Variants in SLC25A48 observed in about 807,000 individuals in gnomAD.
The protein encoded by SLC25A48 is CTC-321K16.1.
Under a neutral mutation model 32.2 loss-of-function variants are expected in SLC25A48, and 29 were observed. That is an observed-to-expected ratio of 0.90 (90% CI 0.67 to 1.23). The LOEUF (loss-of-function observed/expected upper bound fraction) is 1.23, where lower values mean the gene tolerates loss of function less well. SLC25A48 is among the 50% of genes most tolerant of loss of function. The pLI is 0.00. For synonymous variants in SLC25A48, 164 were observed against 172.3 expected, an observed-to-expected ratio of 0.95 and a Z score of 0.38; for missense variants, 399 against 422.7, an observed-to-expected ratio of 0.94 and a Z score of 0.49.
chr5:135,620,691 C>A (rs1252191917), intron 1 of SLC25A48, among the ~76,000 whole-genome samples: 2 of 152,110 alleles, frequency 1.3e-5, no homozygotes, highest in Non-Finnish European at 2.9e-5. Context: ...CAGGACAGGA[C>A]ACAGTCTAGT....
At chr5:135,646,669 A>G (rs1276561482) in intron 3 of SLC25A48, among the ~76,000 whole-genome samples, 2 of 146,134 alleles carry the variant, frequency 1.4e-5, no homozygotes, top group Admixed American at 1.4e-4. Context: ...TTATATATAT[A>G]TATATATATA....
intron 3 of SLC25A48, among the ~76,000 whole-genome samples, chr5:135,777,046 G>T (rs1756582478): frequency 6.6e-6 from 1 of 150,676 alleles, no homozygotes; most frequent in Non-Finnish European, 1.5e-5. Flanking sequence ...GGGGAAGAGA[G>T]GATTATATTA....
At chr5:135,608,122 C>T (rs1157690379) in intron 1 of SLC25A48, among the ~76,000 whole-genome samples, 1 of 152,172 alleles carries the variant, frequency 6.6e-6, no homozygotes, top group African/African-American at 2.4e-5. Context: ...GCTGTTAGGA[C>T]CAGCACACTT....
At chr5:135,580,122 AATTTCTTT>A (rs1192943648) in intron 1 of SLC25A48, among the ~76,000 whole-genome samples, 2 of 152,124 alleles carry the variant, frequency 1.3e-5, no homozygotes, top group Non-Finnish European at 2.9e-5. Context: ...TGGTACTTTT[AATTTCTTT>A]ATTTGACAGG....
At chr5:135,617,559 C>T (rs574772143) in intron 1 of SLC25A48, among the ~76,000 whole-genome samples, 1 of 151,882 alleles carries the variant, frequency 6.6e-6, no homozygotes, top group East Asian at 1.9e-4. Flanking sequence ...TATTTGAAAT[C>T]TTTCTACTTT....
chr5:135,658,804 T>C (rs1369472580), intron 3 of SLC25A48, among the ~76,000 whole-genome samples: 1 of 152,238 alleles, frequency 6.6e-6, no homozygotes, highest in Non-Finnish European at 1.5e-5. Flanking sequence ...GGCTTGGGGC[T>C]TACACCCTCT....
At chr5:135,648,154 G>A (rs552711303) in intron 3 of SLC25A48, among the ~76,000 whole-genome samples, 4 of 152,268 alleles carry the variant, frequency 2.6e-5, no homozygotes, top group South Asian at 4.2e-4. Flanking sequence ...CCTCAGCACT[G>A]GCTAGAGAGG....
chr5:135,871,408 C>G (rs769100768), intron 4 of SLC25A48, 53 bp from the exon 5 acceptor site: 55 of 1,538,972 alleles, frequency 3.6e-5, no homozygotes, highest in Non-Finnish European at 4.6e-5. Flanking sequence ...CACGGAATGT[C>G]CAGTCTCTTA....
chr5:135,717,822 T>A (rs956455221), intron 3 of SLC25A48, among the ~76,000 whole-genome samples: 1 of 152,162 alleles, frequency 6.6e-6, no homozygotes, highest in Non-Finnish European at 1.5e-5. Context: ...GAGAATACAG[T>A]TCTGTTCTTT....
Position 135,783,971 on chromosome 5 carries a change from GGAT to G in SLC25A48, c.-520-28548_-520-28546del, listed in dbSNP as rs1756779315. 1.7e-5 allele frequency among the ~76,000 whole-genome samples: 2 copies of G among 118,056 alleles called. 1 individual carries two copies. Among genetic ancestry groups the G allele is most frequent in the Admixed American group, 1.7e-4 (2 of 11,554 alleles). The allele number at this position is 118,056 out of a possible 152,430, so 77.4% of individuals were successfully genotyped here. A position where few individuals can be genotyped will look rare whatever the true frequency, so the allele number is the denominator to read the frequency against. ...TGTTGCTAATAATCAGGGGGGAAAA[GGAT>G]GATATTGCTCCCAATATCGCAGGAC... is the stretch of plus-strand genomic sequence containing the variant. On this transcript the variant is annotated intron_variant, in intron 3 of 10. Coordinates refer to the SLC25A48 transcript ENST00000646290.
chr5:135,601,516 C>G (rs1751795458), intron 1 of SLC25A48, among the ~76,000 whole-genome samples: 1 of 152,200 alleles, frequency 6.6e-6, no homozygotes, highest in Admixed American at 6.5e-5. Context: ...TTGTCTACAA[C>G]TCCTAGGAGA....
chr5:135,840,389 T>A (rs1758892195), intron 1 of SLC25A48, among the ~76,000 whole-genome samples: 1 of 152,244 alleles, frequency 6.6e-6, no homozygotes, highest in African/African-American at 2.4e-5. Context: ...AGGTTTTTTC[T>A]TTACACATAC....
chr5:135,848,021 T>A (rs1759554909), intron 2 of SLC25A48, among the ~76,000 whole-genome samples: 1 of 152,326 alleles, frequency 6.6e-6, no homozygotes, highest in East Asian at 1.9e-4. Flanking sequence ...TGATGGTCAG[T>A]ATGCAGTTGG....
At chr5:135,803,843 C>G (rs543564409) in intron 3 of SLC25A48, among the ~76,000 whole-genome samples, 4 of 151,376 alleles carry the variant, frequency 2.6e-5, no homozygotes, top group African/African-American at 7.3e-5. Flanking sequence ...CTTGTGTATA[C>G]CTTGTACACT....
chr5:135,659,110 A>G (rs555738612), intron 3 of SLC25A48, among the ~76,000 whole-genome samples: 1 of 152,306 alleles, frequency 6.6e-6, no homozygotes, highest in Non-Finnish European at 1.5e-5. Flanking sequence ...CGATCTGCAA[A>G]TTTTCCAAAC....
At chr5:135,877,130 C>A (rs531091336) in intron 6 of SLC25A48, among the ~76,000 whole-genome samples, 1 of 152,130 alleles carries the variant, frequency 6.6e-6, no homozygotes, top group African/African-American at 2.4e-5. Context: ...TGGGGAAAAT[C>A]AAAAGTCCAT....
intron 1 of SLC25A48, among the ~76,000 whole-genome samples, chr5:135,836,500 C>T (rs989561120): frequency 3.3e-5 from 5 of 151,846 alleles, no homozygotes; most frequent in African/African-American, 1.2e-4. Context: ...TTATAAAATT[C>T]ACCCATTTCA....
chr5:135,849,488 GT>G (rs1158674705), intron 2 of SLC25A48, among the ~76,000 whole-genome samples: 1 of 152,126 alleles, frequency 6.6e-6, no homozygotes, highest in African/African-American at 2.4e-5. Context: ...CCTGCCCCTG[GT>G]CACCAAAGCC....
intron 3 of SLC25A48, among the ~76,000 whole-genome samples, chr5:135,723,380 T>TCTCTCACACACACACACACACA (rs1356362581): frequency 9.0e-6 from 1 of 111,714 alleles, no homozygotes; most frequent in Non-Finnish European, 1.8e-5. Flanking sequence ...TCTCTCTCTC[T>TCTCTCACACACACACACACACA]CACACACACA....
Sources: allele counts gnomAD v4.1 joint callset (sites outside exome capture counted in the v4.1 genomes callset), GRCh38; gene constraint gnomAD v4.1.1; transcripts MANE v1.5; gene names NCBI Gene and HGNC (gene_info 2026-07-23, HGNC 2026-07-21).